The following CNBD1 variants were observed in gnomAD, a reference collection of about 807,000 sequenced individuals.
CNBD1 encodes the protein cyclic nucleotide binding domain containing 1, also known as cyclic nucleotide-binding domain-containing protein 1.
In CNBD1, 71 loss-of-function variants were observed where a neutral mutation model predicts 54.4. The ratio of observed to expected loss-of-function variants is 1.30; its 90% CI spans 1.08 to 1.59. CNBD1 has a LOEUF of 1.59. CNBD1 is among the 40% of genes most tolerant of loss of function. CNBD1 has a pLI of 0.00. For missense variants in CNBD1, 659 were observed against 518.0 expected, an observed-to-expected ratio of 1.27 and a Z score of -2.64; for synonymous variants, 182 against 170.7, an observed-to-expected ratio of 1.07 and a Z score of -0.51.
chr8:87,406,111 A>T (rs966223682), intron 2 of CNBD1, among the ~76,000 whole-genome samples: 1 of 152,060 alleles, frequency 6.6e-6, no homozygotes, highest in Non-Finnish European at 1.5e-5. Context: ...GTATTTTCTT[A>T]ATTAGATAAT....
At chr8:87,351,342 A>T (rs1043212333) in intron 8 of CNBD1, among the ~76,000 whole-genome samples, 2 of 152,206 alleles carry the variant, frequency 1.3e-5, no homozygotes, top group African/African-American at 4.8e-5. Context: ...CAAATGAGCC[A>T]TGGTGGAAAT....
At chr8:86,996,796 G>T (rs1419778354) in intron 4 of CNBD1, among the ~76,000 whole-genome samples, 1 of 152,170 alleles carries the variant, frequency 6.6e-6, no homozygotes. Context: ...AGACTGGGTT[G>T]CAGATAAACA....
rs369164223 is a variant in CNBD1 at position 87,284,687 on chromosome 8, T to C, written c.781T>C (p.Trp261Arg). The change falls in exon 7 of 11, where the codon TGG (tryptophan) becomes CGG (arginine). Residue 261 changes from tryptophan to arginine, a missense_variant. Coordinates refer to ENST00000518476, the MANE Select transcript of CNBD1 (RefSeq NM_173538.3). ...TCTGGTATTTTTACAGCTTAGCAAA[T>C]GGAGTACCTTTGGGACTCTGGAAGT... ...LPSYDSMLSKWSTFGTLEVMP... is the reference protein window; with the variant it reads ...LPSYDSMLSKRSTFGTLEVMP... The C allele has an allele frequency of 3.1e-6, 5 of 1,601,318 alleles. No homozygotes were observed. The African/African-American group carries it at 5.4e-5, about 17-fold the overall frequency.
At chr8:87,316,800 G>T (rs1809395956) in intron 8 of CNBD1, among the ~76,000 whole-genome samples, 1 of 151,694 alleles carries the variant, frequency 6.6e-6, no homozygotes. Context: ...TGTAGAGATT[G>T]ATTTTAGTTG....
At position 87,228,972 on chromosome 8, in the gene CNBD1, C is replaced by T. The variant is rs571921954; in HGVS notation, c.578-7947C>T. On this transcript the variant is annotated intron_variant, in intron 5 of 10. Transcript: ENST00000518476. ...CCGTTTTTTAAGCCCGTCGGAAAAG[C>T]GCGGTATTCGGGTGGGAGTGACCCG... Among the ~76,000 whole-genome samples, 72 of 152,282 alleles carry T rather than the reference C, an allele frequency of 4.7e-4. 2 individuals are homozygous for T. Among genetic ancestry groups the T allele is most frequent in the Admixed American group, 3.4e-3 (52 of 15,304 alleles).
At chr8:87,347,856 A>C (rs1392149451) in intron 8 of CNBD1, among the ~76,000 whole-genome samples, 2 of 152,140 alleles carry the variant, frequency 1.3e-5, no homozygotes, top group Non-Finnish European at 2.9e-5. Flanking sequence ...GCCCTTCTTC[A>C]CCTTCCCTAT....
chr8:87,000,695 G>T (rs1490831080), intron 4 of CNBD1, among the ~76,000 whole-genome samples: 1 of 152,140 alleles, frequency 6.6e-6, no homozygotes, highest in Non-Finnish European at 1.5e-5. Flanking sequence ...ATCTTAGCTA[G>T]ATCTAAGTTA....
chr8:87,266,861 C>T (rs538521615), intron 6 of CNBD1, among the ~76,000 whole-genome samples: 3 of 152,146 alleles, frequency 2.0e-5, no homozygotes, highest in African/African-American at 7.2e-5. Flanking sequence ...AAACTGCATG[C>T]CTACTTTACA....
intron 4 of CNBD1, among the ~76,000 whole-genome samples, chr8:87,101,289 A>G (rs1161283409): frequency 3.9e-5 from 6 of 152,152 alleles, no homozygotes; most frequent in Non-Finnish European, 7.3e-5. Context: ...CAAAGGAAAA[A>G]CATAATTATA....
chr8:86,986,737 C>T (rs536574360), intron 4 of CNBD1, among the ~76,000 whole-genome samples: 6 of 152,204 alleles, frequency 3.9e-5, no homozygotes, highest in Non-Finnish European at 7.4e-5. Context: ...TTATGGATAG[C>T]GAGTTATTCC....
chr8:87,198,484 CAA>C (rs1192105945), intron 4 of CNBD1, among the ~76,000 whole-genome samples: 1 of 151,518 alleles, frequency 6.6e-6, no homozygotes, highest in African/African-American at 2.4e-5. Flanking sequence ...TATATGGAAA[CAA>C]AAAAAAGCAG....
At chr8:87,305,074 T>A (rs1339385567) in intron 8 of CNBD1, among the ~76,000 whole-genome samples, 1 of 152,080 alleles carries the variant, frequency 6.6e-6, no homozygotes, top group Non-Finnish European at 1.5e-5. Context: ...GGTACAAGAT[T>A]AATGTGCACA....
chr8:87,272,679 A>G (rs1199988868), intron 6 of CNBD1, among the ~76,000 whole-genome samples: 1 of 151,996 alleles, frequency 6.6e-6, no homozygotes, highest in Non-Finnish European at 1.5e-5. Context: ...AAAGCATATA[A>G]CAAATGAATG....
In CNBD1 at chr8:87,036,455, G is replaced by A. The variant is rs190329410; in HGVS notation, c.431+96701G>A. ...TGAAAATACAAAAAATTAGCCAGGC[G>A]TGGTGGTGGGCGCCTGTAGTCCCAG... On this transcript the variant is annotated intron_variant, in intron 4 of 10. Transcript: ENST00000518476. 1.9e-3 allele frequency among the ~76,000 whole-genome samples: 290 copies of A among 151,964 alleles called. 1 individual carries two copies. The highest frequency in any genetic ancestry group is 6.6e-3 in the African/African-American group (274 of 41,472).
rs548210153 is a variant in CNBD1, at chr8:87,178,599, C to T, written c.432-27394C>T. ...TTACTTGGAGTCTGATGGAATCTAGCGACAAACCTGACTTCCATTGCCTGG... is the reference window on the plus strand; with the variant it reads ...TTACTTGGAGTCTGATGGAATCTAGTGACAAACCTGACTTCCATTGCCTGG... On this transcript the variant is annotated intron_variant, in intron 4 of 10. Coordinates refer to ENST00000518476, the MANE Select transcript of CNBD1 (RefSeq NM_173538.3). 2.6e-5 allele frequency among the ~76,000 whole-genome samples: 4 copies of T among 152,242 alleles called. No individual in the cohort carries two copies. In the East Asian group the frequency reaches 5.8e-4, roughly 22 times the overall value.
At chr8:87,122,622 T>C (rs932522824) in intron 4 of CNBD1, among the ~76,000 whole-genome samples, 1 of 151,888 alleles carries the variant, frequency 6.6e-6, no homozygotes, top group Non-Finnish European at 1.5e-5. Context: ...CAGACCAATG[T>C]CATTTAGCAT....
In CNBD1 at chr8:87,303,218, G is replaced by A. The variant is rs1334716166; in HGVS notation, c.1042+16547G>A. On this transcript the variant is annotated intron_variant, in intron 8 of 10. Coordinates refer to ENST00000518476, the MANE Select transcript of CNBD1 (RefSeq NM_173538.3). Reference sequence around the variant, plus strand: ...AAAAGAACAAAGCTGGAGGCATCATGCTACCTGACTTCAAACTATACTACA... The same window carrying A: ...AAAAGAACAAAGCTGGAGGCATCATACTACCTGACTTCAAACTATACTACA... Among the ~76,000 whole-genome samples, 69 of 151,426 alleles carry A rather than the reference G, an allele frequency of 4.6e-4. No homozygotes were observed. In the South Asian group the frequency reaches 5.2e-3, roughly 11 times the overall value.
chr8:87,271,085 G>A (rs72666815), intron 6 of CNBD1, among the ~76,000 whole-genome samples: 2 of 151,576 alleles, frequency 1.3e-5, no homozygotes, highest in Non-Finnish European at 3.0e-5. Flanking sequence ...TCTCTCTAAT[G>A]ATTCTCTGTA....
At position 87,163,624 on chromosome 8, in the gene CNBD1, G is replaced by A. The variant is rs1286725815; in HGVS notation, c.432-42369G>A. ...TCTTTTTTTCAGATATTTTGTTAGT[G>A]TATGAAAATGCAACTGATATTTGTA... On this transcript the variant is annotated intron_variant, in intron 4 of 10. Coordinates refer to ENST00000518476, the MANE Select transcript of CNBD1 (RefSeq NM_173538.3). The surrounding 1 kb of genome is among the most constrained non-coding windows in gnomAD (Gnocchi z 4.5). 6.6e-6 allele frequency among the ~76,000 whole-genome samples: 1 copy of A among 151,508 alleles called. No homozygotes were observed. Among genetic ancestry groups the A allele is most frequent in the Non-Finnish European group, 1.5e-5 (1 of 67,818 alleles).
Sources: gnomAD v4.1 joint callset for allele counts (sites outside exome capture counted in the v4.1 genomes callset) on GRCh38, gnomAD v4.1.1 for gene constraint, Gnocchi (gnomAD v3.1) non-coding constraint, MANE v1.5 for transcripts, NCBI Gene and HGNC (gene_info 2026-07-23, HGNC 2026-07-21) for gene names.